The following CEP290 variants were observed in gnomAD, a reference collection of about 807,000 sequenced individuals.
The protein encoded by CEP290 is centrosomal protein of 290 kDa.
Under a neutral mutation model 344.9 loss-of-function variants are expected in CEP290, and 317 were observed. The ratio of observed to expected loss-of-function variants is 0.92; its 90% CI spans 0.84 to 1.01. CEP290 has a LOEUF of 1.01. Among genes scored for constraint, CEP290 ranks in the 50% least tolerant of loss-of-function variants. The pLI, the probability that CEP290 is intolerant of heterozygous loss-of-function variation, is 0.00. For missense variants in CEP290, 2,754 were observed against 2,761.4 expected (o/e 1.00, Z 0.06); for synonymous variants, 932 against 895.8 (o/e 1.04, Z -0.72).
rs367555566 is a variant in CEP290, at chr12:88,084,708, C to G, written c.4582G>C (p.Glu1528Gln). 6.2e-7 allele frequency: 1 copy of G among 1,613,686 alleles called. No homozygotes were observed. Among genetic ancestry groups the G allele is most frequent in the African/African-American group, 1.3e-5 (1 of 75,006 alleles). ...LIAELGRKEM[E>Q]PKSHHTLKIA... ...TTCAATGTGTGGTGAGATTTTGGTTCCATCTCTTTTCTGCCTAGCTCAGCT... is the reference window on the plus strand; with the variant it reads ...TTCAATGTGTGGTGAGATTTTGGTTGCATCTCTTTTCTGCCTAGCTCAGCT... Residue 1528 changes from glutamate (E) to glutamine (Q), a missense_variant, in exon 35 of 54, where the codon GAA becomes CAA. Glu to Gln is a conservative substitution (Grantham distance 29, BLOSUM62 2). Coordinates refer to ENST00000552810, the MANE Select transcript of CEP290 (RefSeq NM_025114.4).
chr12:88,055,978 T>C (rs1266643080), intron 49 of CEP290, among the ~76,000 whole-genome samples: 1 of 152,054 alleles, frequency 6.6e-6, no homozygotes, highest in South Asian at 2.1e-4. Flanking sequence ...CATTTTAAAA[T>C]TAATACCTTT....
intron 3 of CEP290, among the ~76,000 whole-genome samples, 184 bp downstream of exon 3, chr12:88,140,772 C>A (rs1360390328): frequency 6.6e-6 from 1 of 152,184 alleles, no homozygotes; most frequent in Admixed American, 6.5e-5. Flanking sequence ...CTTTTAGAAA[C>A]TTTAAGTAGA....
chr12:88,077,475 C>T (rs917294719), intron 40 of CEP290, 131 bp from the exon 41 acceptor site: 20 of 696,242 alleles, frequency 2.9e-5, no homozygotes, highest in Non-Finnish European at 4.6e-6. Context: ...ACACTTAATA[C>T]ATAAGATAAT....
intron 38 of CEP290, among the ~76,000 whole-genome samples, chr12:88,079,457 T>C (rs1168488403): frequency 6.6e-6 from 1 of 152,170 alleles, no homozygotes; most frequent in Non-Finnish European, 1.5e-5. Context: ...AAAATCTTAA[T>C]AATGATTTTG....
intron 18 of CEP290, chr12:88,116,132 T>C (rs558555597): frequency 2.2e-5 from 20 of 903,540 alleles, no homozygotes; most frequent in Middle Eastern, 5.7e-4. Context: ...AATTGCTTTT[T>C]TGTACAAAAC....
Position 88,058,778 on chromosome 12 carries a change from G to C in CEP290, c.6818+70C>G. The C allele has an allele frequency of 3.4e-6, 5 of 1,466,624 alleles. No homozygotes were observed. The South Asian group carries it at 6.1e-5, about 18-fold the overall frequency. The allele number at this position is 1,466,624 out of a possible 1,614,324, so 90.9% of individuals were successfully genotyped here. A position where few individuals can be genotyped will look rare whatever the true frequency, so the allele number is the denominator to read the frequency against. On this transcript the variant is annotated intron_variant, in intron 49 of 53. Coordinates refer to ENST00000552810, the MANE Select transcript of CEP290 (RefSeq NM_025114.4). ...AAGAAACCAGGTTATCCAGAATAGT[G>C]TTGTCTTTTAAAACAATGCCAAAAT...
intron 41 of CEP290, among the ~76,000 whole-genome samples, chr12:88,075,295 G>A (rs926354398): frequency 3.3e-5 from 5 of 151,914 alleles, no homozygotes; most frequent in African/African-American, 1.2e-4. Flanking sequence ...AACAGGTTAT[G>A]TTCTAGACTG....
At chr12:88,113,832 T>G (rs1233549679) in intron 20 of CEP290, among the ~76,000 whole-genome samples, 1 of 151,926 alleles carries the variant, frequency 6.6e-6, no homozygotes, top group African/African-American at 2.4e-5. Flanking sequence ...ATAATACTTC[T>G]GATGGCATAA....
intron 28 of CEP290, among the ~76,000 whole-genome samples, chr12:88,093,369 AACC>A (rs2037189793): frequency 6.6e-6 from 1 of 152,088 alleles, no homozygotes; most frequent in Non-Finnish European, 1.5e-5. Flanking sequence ...AAATATATAA[AACC>A]ACCAATTAGA....
intron 3 of CEP290, among the ~76,000 whole-genome samples, chr12:88,139,785 T>C (rs188573605): frequency 1.3e-5 from 2 of 152,338 alleles, no homozygotes; most frequent in Admixed American, 1.3e-4. Flanking sequence ...TGGAGTGCAG[T>C]GGCACAATCT....
At chr12:88,095,960 C>T (rs759117604) in intron 27 of CEP290, among the ~76,000 whole-genome samples, 2 of 152,058 alleles carry the variant, frequency 1.3e-5, no homozygotes, top group Non-Finnish European at 2.9e-5. Flanking sequence ...GCACTATAAG[C>T]AATAGCAAAA....
intron 11 of CEP290, among the ~76,000 whole-genome samples, chr12:88,128,639 T>C (rs2039875944): frequency 6.6e-6 from 1 of 152,098 alleles, no homozygotes; most frequent in Non-Finnish European, 1.5e-5. Context: ...ATGAGTTAAG[T>C]AAAAAAATTT....
chr12:88,118,463 T>A lies in CEP290; in HGVS notation c.1711+20A>T. The stretch of plus-strand genomic sequence containing the variant: ...ACTTATCAATAATTCTTTTTAAAGG[T>A]TTAGAATAACTGAGTATACCTGAAG... On this transcript the variant is annotated intron_variant, in intron 17 of 53. Coordinates refer to ENST00000552810, the MANE Select transcript of CEP290 (RefSeq NM_025114.4). 6.6e-7 allele frequency: 1 copy of A among 1,525,398 alleles called. No homozygotes were observed. The highest frequency in any genetic ancestry group is 8.9e-7 in the Non-Finnish European group (1 of 1,127,122). 94.5% of individuals were successfully genotyped at this position (1,525,398 alleles called of 1,614,324 possible).
At chr12:88,075,581 T>C (rs1246228091) in intron 41 of CEP290, among the ~76,000 whole-genome samples, 1 of 151,960 alleles carries the variant, frequency 6.6e-6, no homozygotes, top group South Asian at 2.1e-4. Flanking sequence ...CAAGTACATG[T>C]CTAGTATGTT....
At chr12:88,057,997 G>A (rs1205768997) in intron 49 of CEP290, 3 of 152,266 alleles carry the variant, frequency 2.0e-5, no homozygotes, top group East Asian at 3.9e-4. Context: ...AAATGGGGGC[G>A]GCAGATGTGC....
chr12:88,126,814 A>T (rs2039759526), intron 11 of CEP290, among the ~76,000 whole-genome samples: 1 of 152,090 alleles, frequency 6.6e-6, no homozygotes, highest in Admixed American at 6.5e-5. Context: ...ATCTTGAATG[A>T]ATGAAAGAAA....
intron 49 of CEP290, 150 bp from the exon 50 acceptor site, chr12:88,055,867 CAT>C: frequency 9.8e-6 from 6 of 610,668 alleles, no homozygotes; most frequent in Non-Finnish European, 1.3e-5. Flanking sequence ...ATTTATTTAG[CAT>C]TAAAAAGTGG....
chr12:88,136,874 T>C, intron 5 of CEP290, 88 bp from the exon 6 acceptor site: 13 of 1,215,462 alleles, frequency 1.1e-5, no homozygotes, highest in East Asian at 2.5e-5. Context: ...TTATGCTGAA[T>C]TTAAATTTGC....
intron 13 of CEP290, among the ~76,000 whole-genome samples, chr12:88,122,208 T>C (rs577541823): frequency 3.9e-5 from 6 of 152,232 alleles, no homozygotes; most frequent in African/African-American, 1.4e-4. Context: ...CTATTCTCCC[T>C]TCCATCCACA....
Sources: allele counts gnomAD v4.1 joint callset (sites outside exome capture counted in the v4.1 genomes callset), GRCh38; gene constraint gnomAD v4.1.1; transcripts MANE v1.5; gene names NCBI Gene and HGNC (gene_info 2026-07-23, HGNC 2026-07-21).